The following LHB variants were observed in gnomAD, a reference collection of about 807,000 sequenced individuals.
The protein encoded by LHB is luteinizing hormone subunit beta.
In LHB, 11 loss-of-function variants were observed where a neutral mutation model predicts 10.6. The ratio of observed to expected loss-of-function variants is 1.04; its 90% CI spans 0.66 to 1.72. The LOEUF is 1.72. LHB is among the 40% of genes most tolerant of loss of function. LHB has a pLI of 0.00. For synonymous variants in LHB, 86 were observed against 83.1 expected (o/e 1.03, Z -0.19); for missense variants, 184 against 197.3 (o/e 0.93, Z 0.41).
At position 49,016,312 on chromosome 19, in the gene LHB, T is replaced by C; in HGVS notation, c.184-2A>G. ...CAGGACCGCCTGCAGCACGCGCATC[T>C]GGAGGCCGTGTGAGTGGGGGAATGA... is the stretch of plus-strand genomic sequence containing the variant. On this transcript the variant is annotated splice_acceptor_variant, in intron 2 of 2. Coordinates refer to ENST00000649238, the MANE Select transcript of LHB (RefSeq NM_000894.3). LOFTEE classifies it high-confidence loss of function. 6.2e-7 allele frequency: 1 copy of C among 1,610,466 alleles called. No homozygotes were observed. The highest frequency in any genetic ancestry group is 8.5e-7 in the Non-Finnish European group (1 of 1,179,736).
chr19:49,018,767 G>A (rs2039595784), upstream of LHB: 7 of 999,744 alleles, frequency 7.0e-6, no homozygotes, highest in Non-Finnish European at 8.9e-6. Flanking sequence ...AGAAGTCGAG[G>A]CTGAGACCAC....
upstream of LHB, chr19:49,017,190 C>A: frequency 1.3e-6 from 2 of 1,562,838 alleles, no homozygotes; most frequent in East Asian, 2.2e-5. Context: ...ACACTAATCC[C>A]CCCGGGGGCG....
At chr19:49,018,763 C>A (rs1363354973), upstream of LHB, 2 of 950,234 alleles carry the variant, frequency 2.1e-6, no homozygotes, top group South Asian at 1.5e-5. Flanking sequence ...CTACAGAAGT[C>A]GAGGCTGAGA....
upstream of LHB, chr19:49,019,321 G>A: frequency 8.5e-7 from 1 of 1,176,238 alleles, no homozygotes; most frequent in Non-Finnish European, 1.1e-6. Context: ...TCTTGGTGTG[G>A]CCACTGGAGC....
At chr19:49,018,242 C>T (rs2039591012), upstream of LHB, 1 of 825,650 alleles carries the variant, frequency 1.2e-6, no homozygotes, top group Non-Finnish European at 1.6e-6. Flanking sequence ...GGAGCGCGGA[C>T]AGGGCGGCCG....
chr19:49,016,071 G>C lies in LHB; in HGVS notation c.423C>G (p.Leu141=). ...TGGAAGGCTGCGGGGAGGGTCTTTA[G>C]AGGAAGAGGAGGCCTGAGAGTTGGG... The part of the protein sequence containing the change: ...DHPQLSGLLF[L] Residue 141 remains leucine, a synonymous_variant, in exon 3 of 3, where the codon CTC becomes CTG. Transcript: ENST00000649238. The C allele has an allele frequency of 6.2e-7, 1 of 1,613,542 alleles. No homozygotes were observed. The highest frequency in any genetic ancestry group is 1.7e-5 in the Admixed American group (1 of 60,028).
chr19:49,016,361 C>T, intron 2 of LHB, 51 bp from the exon 3 acceptor site: 1 of 1,605,032 alleles, frequency 6.2e-7, no homozygotes, highest in Non-Finnish European at 8.5e-7. Flanking sequence ...GCCAGCGCCT[C>T]AGCTGAGCTC....
chr19:49,018,115 G>A (rs2122682125), upstream of LHB: 1 of 399,486 alleles, frequency 2.5e-6, no homozygotes, highest in Non-Finnish European at 4.4e-6. Flanking sequence ...GCCGGAGCGG[G>A]TGCAGCAGGG....
chr19:49,018,341 C>T, upstream of LHB: 1 of 1,218,934 alleles, frequency 8.2e-7, no homozygotes, highest in Non-Finnish European at 1.0e-6. Context: ...CAGCTCCGTC[C>T]TGTGGGAGCA....
In LHB at chr19:49,016,641, T is replaced by C. The variant is rs35270001; in HGVS notation, c.89A>G (p.His30Arg). 826 of 1,611,026 alleles carry C rather than the reference T, an allele frequency of 5.1e-4. 6 individuals are homozygous for C. The African/African-American group carries it at 7.4e-3, about 15-fold the overall frequency. ...GACAGCCAGGATGGCATTGATGGGG[T>C]GGCACCATGGCCGAAGCGGCTCCCT... ...ASREPLRPWC[H>R]PINAILAVEK... is the part of the protein sequence containing the mutation. Residue 30 changes from histidine (H) to arginine (R), a missense_variant, in exon 2 of 3, where the codon CAC becomes CGC. Transcript: ENST00000649238.
At chr19:49,017,469 G>A, upstream of LHB, 1 of 1,151,632 alleles carries the variant, frequency 8.7e-7, no homozygotes, top group South Asian at 2.1e-5. Flanking sequence ...CCCTCCACTT[G>A]AGGCTTTCCT....
upstream of LHB, chr19:49,018,436 G>C (rs1217600240): frequency 1.4e-6 from 1 of 732,620 alleles, no homozygotes; most frequent in African/African-American, 1.8e-5. Flanking sequence ...TCAAACTCCT[G>C]CATTTCCAGG....
At chr19:49,018,066 C>A (rs1488683348), upstream of LHB, 5 of 398,592 alleles carry the variant, frequency 1.3e-5, no homozygotes, top group Non-Finnish European at 2.2e-5. Flanking sequence ...CAGTGCGGGC[C>A]GCCCCAGGGC....
intron 1 of LHB, 83 bp downstream of exon 1, chr19:49,016,984 A>G: frequency 6.2e-7 from 1 of 1,611,954 alleles, no homozygotes; most frequent in Non-Finnish European, 8.5e-7. Context: ...GCCTCCTTCC[A>G]CAGCTCACAC....
chr19:49,019,050 C>G (rs945309179), upstream of LHB: 20 of 1,484,762 alleles, frequency 1.3e-5, no homozygotes, highest in African/African-American at 2.8e-5. Context: ...ATTTCATACC[C>G]CATCCCAAGC....
In LHB at chr19:49,016,953, G is replaced by A. The variant is rs1171773054; in HGVS notation, c.15+114C>T. ...CTGCCCCACCTGAAGCTTACTGGGG[G>A]TCATGCCCCTCCAGAAAGAGGCCTC... On this transcript the variant is annotated intron_variant, in intron 1 of 2. Coordinates refer to ENST00000649238, the MANE Select transcript of LHB (RefSeq NM_000894.3). The A allele has an allele frequency of 5.0e-6, 8 of 1,609,662 alleles. No homozygotes were observed. In the South Asian group the frequency reaches 6.6e-5, roughly 13 times the overall value.
rs1341653651 is a variant in LHB at position 49,016,976 on chromosome 19, C to G, written c.15+91G>C. The G allele has an allele frequency of 7.4e-6, 12 of 1,611,410 alleles. No homozygotes were observed. The African/African-American group carries it at 1.2e-4, about 16-fold the overall frequency. The stretch of plus-strand genomic sequence containing the variant: ...GGGTCATGCCCCTCCAGAAAGAGGC[C>G]TCCTTCCACAGCTCACACGGGTCTG... On this transcript the variant is annotated intron_variant, in intron 1 of 2. Transcript: ENST00000649238.
upstream of LHB, chr19:49,018,099 C>G (rs1029449054): frequency 7.5e-6 from 3 of 399,078 alleles, no homozygotes. Context: ...CAGAAGCGGT[C>G]GAGCCGCCGG....
upstream of LHB, chr19:49,018,768 C>A: frequency 2.0e-6 from 2 of 1,014,114 alleles, no homozygotes; most frequent in East Asian, 2.6e-5. Context: ...GAAGTCGAGG[C>A]TGAGACCACC....
Sources: gnomAD v4.1 joint callset for allele counts on GRCh38, gnomAD v4.1.1 for gene constraint, MANE v1.5 for transcripts, NCBI Gene and HGNC (gene_info 2026-07-23, HGNC 2026-07-21) for gene names.